The following IKZF2 variants were observed in gnomAD, a reference collection of about 807,000 sequenced individuals.
IKZF2 encodes the protein IKAROS family zinc finger 2.
Under a neutral mutation model 49.2 loss-of-function variants are expected in IKZF2, and 15 were observed. The observed-to-expected ratio is 0.30, with a 90% CI of 0.20 to 0.47. The LOEUF (loss-of-function observed/expected upper bound fraction) is 0.47. Ranked by LOEUF, IKZF2 falls within the 20% of genes least tolerant of loss-of-function variation. IKZF2 has a pLI of 1.00. For synonymous variants in IKZF2, 227 were observed against 221.4 expected (o/e 1.03, Z -0.23); for missense variants, 567 against 664.6 (o/e 0.85, Z 1.61).
chr2:213,087,776 T>A (rs1704813420), intron 4 of IKZF2, among the ~76,000 whole-genome samples: 1 of 152,166 alleles, frequency 6.6e-6, no homozygotes, highest in Non-Finnish European at 1.5e-5. Context: ...CTTGCGATAG[T>A]TTGCTCATAA....
chr2:213,128,899 G>C (rs769338708), intron 4 of IKZF2, among the ~76,000 whole-genome samples: 4 of 142,288 alleles, frequency 2.8e-5, no homozygotes, highest in Admixed American at 1.6e-4. Context: ...TGATCCACCC[G>C]TCTCGGCCTC....
At chr2:213,118,513 GT>G (rs1238298634) in intron 4 of IKZF2, among the ~76,000 whole-genome samples, 1 of 152,062 alleles carries the variant, frequency 6.6e-6, no homozygotes, top group African/African-American at 2.4e-5. Context: ...CAAAACAAAA[GT>G]AAAAAACACT....
chr2:213,126,653 T>C (rs12694296), intron 4 of IKZF2, among the ~76,000 whole-genome samples: 67,403 of 151,976 alleles, frequency 0.44, 18,431 homozygotes, highest in East Asian at 0.91. Context: ...TTAAATAAAA[T>C]TTTTCAAAGA....
intron 4 of IKZF2, among the ~76,000 whole-genome samples, chr2:213,105,733 A>G (rs886790225): frequency 1.3e-5 from 2 of 152,160 alleles, no homozygotes; most frequent in African/African-American, 4.8e-5. Flanking sequence ...TACAAATCAG[A>G]ATTCTGCAAA....
intron 4 of IKZF2, among the ~76,000 whole-genome samples, chr2:213,085,631 T>C (rs1167862545): frequency 1.3e-5 from 2 of 152,274 alleles, no homozygotes; most frequent in Non-Finnish European, 2.9e-5. Flanking sequence ...AGTGAAGGTG[T>C]TGCAGCATTA....
intron 6 of IKZF2, among the ~76,000 whole-genome samples, chr2:213,029,574 ATCT>A (rs1169104582): frequency 1.3e-5 from 2 of 151,894 alleles, no homozygotes; most frequent in African/African-American, 2.4e-5. Context: ...TATTTTATTG[ATCT>A]TCTCATATAA....
In IKZF2 at chr2:213,126,291, TCA is replaced by T. The variant is rs1367895231; in HGVS notation, c.139+21415_139+21416del. Among the ~76,000 whole-genome samples, 4 of 152,258 alleles carry T rather than the reference TCA, an allele frequency of 2.6e-5. No homozygotes were observed. In the East Asian group the frequency reaches 7.7e-4, roughly 29 times the overall value. ...TTCCCCTACCACTTTTCCCATTTCT[TCA>T]CACCCTTATGTTATGTGTGTTGATT... On this transcript the variant is annotated intron_variant, in intron 4 of 8. Transcript: ENST00000434687.
chr2:213,129,920 G>A (rs1267975790), intron 4 of IKZF2, among the ~76,000 whole-genome samples: 1 of 152,176 alleles, frequency 6.6e-6, no homozygotes, highest in Non-Finnish European at 1.5e-5. Context: ...AGTGCTAGAT[G>A]CAGAGTTGAA....
chr2:213,145,188 A>T (rs997784785), intron 4 of IKZF2, among the ~76,000 whole-genome samples: 11 of 150,852 alleles, frequency 7.3e-5, no homozygotes, highest in Non-Finnish European at 1.3e-4. Flanking sequence ...AAAAAAAAAA[A>T]TTTACTTATT....
At chr2:213,045,292 T>A (rs1354461568) in intron 6 of IKZF2, among the ~76,000 whole-genome samples, 1 of 152,258 alleles carries the variant, frequency 6.6e-6, no homozygotes, top group Non-Finnish European at 1.5e-5. Context: ...TAACTGTAGA[T>A]GCAGTTTTAG....
chr2:213,129,537 G>C (rs2060402219), intron 4 of IKZF2, among the ~76,000 whole-genome samples: 1 of 151,848 alleles, frequency 6.6e-6, no homozygotes, highest in Non-Finnish European at 1.5e-5. Context: ...GAATAGAGAA[G>C]AGGAAGTCAG....
rs145520651 is a variant in IKZF2 at position 213,131,339 on chromosome 2, A to G, written c.139+16369T>C. On this transcript the variant is annotated intron_variant, in intron 4 of 8. Coordinates refer to ENST00000434687, the MANE Select transcript of IKZF2 (RefSeq NM_001387220.1). Reference sequence around the variant, plus strand: ...TGGATTAAAGTTTATTAAAAACAACATTAGAATTACATGTCATTTTCATGT... The same window carrying G: ...TGGATTAAAGTTTATTAAAAACAACGTTAGAATTACATGTCATTTTCATGT... Among the ~76,000 whole-genome samples, 9 of 152,322 alleles carry G rather than the reference A, an allele frequency of 5.9e-5. No homozygotes were observed. The East Asian group carries it at 1.5e-3, about 26-fold the overall frequency.
intron 4 of IKZF2, among the ~76,000 whole-genome samples, chr2:213,100,933 G>A (rs778303241): frequency 1.3e-5 from 2 of 151,826 alleles, no homozygotes; most frequent in African/African-American, 4.8e-5. Flanking sequence ...TGATTTCAAC[G>A]TAATGTTTTG....
chr2:213,152,393 G>A (rs10209675), upstream of IKZF2: 89,581 of 152,136 alleles, frequency 0.59, 26,600 homozygotes, highest in South Asian at 0.79. Context: ...GATAAGAGGG[G>A]TCCTGGGGAA....
chr2:213,070,001 C>T (rs1702534285), intron 4 of IKZF2, among the ~76,000 whole-genome samples: 1 of 151,944 alleles, frequency 6.6e-6, no homozygotes, highest in Non-Finnish European at 1.5e-5. Context: ...TATTTTTAAC[C>T]ATAAACACCT....
At chr2:213,036,641 A>G (rs1439282139) in intron 6 of IKZF2, among the ~76,000 whole-genome samples, 1 of 152,156 alleles carries the variant, frequency 6.6e-6, no homozygotes, top group East Asian at 1.9e-4. Context: ...GTTGCTTATA[A>G]TCATTATCAT....
At chr2:213,143,596 T>G (rs2060946956) in intron 4 of IKZF2, among the ~76,000 whole-genome samples, 1 of 151,942 alleles carries the variant, frequency 6.6e-6, no homozygotes. Context: ...TAAAGTACAT[T>G]GGGTATATAC....
At chr2:213,054,700 TG>T (rs1261301977) in intron 5 of IKZF2, among the ~76,000 whole-genome samples, 1 of 152,164 alleles carries the variant, frequency 6.6e-6, no homozygotes, top group Non-Finnish European at 1.5e-5. Context: ...ATTTGCACAA[TG>T]CTCCAATAAA....
Position 213,013,911 on chromosome 2 carries a change from C to A in IKZF2, c.736G>T (p.Glu246Ter). 1 of 1,611,494 alleles carries A rather than the reference C, an allele frequency of 6.2e-7. No homozygotes were observed. Among genetic ancestry groups the A allele is most frequent in the South Asian group, 1.1e-5 (1 of 90,966 alleles). The stretch of plus-strand genomic sequence containing the variant: ...TTGTTGTCCATAATAGGCTCTTGTT[C>A]CTTACAATCTTCCATAGGAGGTACT... ...HHVPPMEDCK[E>*]QEPIMDNNIS... The change falls in exon 8 of 9, where the codon GAA becomes TAA. Residue 246 changes from glutamate (E) to a stop codon, truncating the protein, a stop_gained. Coordinates refer to ENST00000434687, the MANE Select transcript of IKZF2 (RefSeq NM_001387220.1). LOFTEE classifies it high-confidence loss of function.
Sources: allele counts gnomAD v4.1 joint callset (sites outside exome capture counted in the v4.1 genomes callset), GRCh38; gene constraint gnomAD v4.1.1; transcripts MANE v1.5; gene names NCBI Gene and HGNC (gene_info 2026-07-23, HGNC 2026-07-21).